CTTN: variants seen among roughly 807,000 people sequenced by gnomAD.
The protein encoded by CTTN is cortactin, also known as src substrate cortactin.
CTTN carries 28 observed loss-of-function variants against 84.0 expected under a neutral mutation model. The observed-to-expected ratio is 0.33, with a 90% CI of 0.25 to 0.46. The LOEUF is 0.46. Ranked by LOEUF, CTTN falls within the 20% of genes least tolerant of loss-of-function variation. CTTN has a pLI of 1.00. For missense variants in CTTN, 641 were observed against 723.8 expected (o/e 0.89, Z 1.31); for synonymous variants, 301 against 288.8 (o/e 1.04, Z -0.43).
chr11:70,429,066 G>C lies in CTTN; in HGVS notation c.1043G>C (p.Ser348Thr). Residue 348 changes from serine (S) to threonine (T), a missense_variant, in exon 14 of 18, where the codon AGT (serine) becomes ACT (threonine). Around this residue, in one of 3 missense-constraint regions of CTTN, gnomAD observed 289 missense variants for 273.1 expected, o/e 1.06. Coordinates refer to ENST00000301843, the MANE Select transcript of CTTN (RefSeq NM_005231.4). Reference protein sequence around the residue: ...VPVEAVTSKTSNIRANFENLA... With the variant: ...VPVEAVTSKTTNIRANFENLA... ...TCCTCTATAGTGACCAGCAAAACAAGTAACATCAGAGCTAACTTTGAAAAC... is the reference window on the plus strand; with the variant it reads ...TCCTCTATAGTGACCAGCAAAACAACTAACATCAGAGCTAACTTTGAAAAC... 1.2e-6 allele frequency: 2 copies of C among 1,614,252 alleles called. No homozygotes were observed. Among genetic ancestry groups the C allele is most frequent in the Non-Finnish European group, 1.7e-6 (2 of 1,180,040 alleles).
rs1239442916 is a variant in CTTN, at chr11:70,435,460, C to T, written c.*298C>T. ...CTTTTTTGCCAAATTGACTGTCACGCGGCAGCTTCAGGGAGCTCGCATTCT... is the reference window on the plus strand; with the variant it reads ...CTTTTTTGCCAAATTGACTGTCACGTGGCAGCTTCAGGGAGCTCGCATTCT... On this transcript the variant is annotated 3_prime_UTR_variant, in exon 18 of 18. Coordinates refer to ENST00000301843, the MANE Select transcript of CTTN (RefSeq NM_005231.4). 1.0e-5 allele frequency: 16 copies of T among 1,527,238 alleles called. No homozygotes were observed. The highest frequency in any genetic ancestry group is 4.4e-5 in the Admixed American group (2 of 45,780). The allele number at this position is 1,527,238 out of a possible 1,614,324, so 94.6% of individuals were successfully genotyped here. A position where few individuals can be genotyped will look rare whatever the true frequency, so the allele number is the denominator to read the frequency against.
At chr11:70,406,549 A>G (rs763490560) in intron 2 of CTTN, among the ~76,000 whole-genome samples, 7 of 150,956 alleles carry the variant, frequency 4.6e-5, no homozygotes, top group Non-Finnish European at 8.9e-5. Flanking sequence ...TTAAAATTTT[A>G]TATTTTACCA....
chr11:70,432,467 A>G (rs12795503), intron 15 of CTTN, among the ~76,000 whole-genome samples: 26,776 of 152,296 alleles, frequency 0.18, 2,737 homozygotes, highest in Middle Eastern at 0.25. Flanking sequence ...TGCCGGTGAC[A>G]TCAGGTGGAC....
chr11:70,431,878 G>A (rs2058357452), intron 15 of CTTN, among the ~76,000 whole-genome samples: 1 of 152,112 alleles, frequency 6.6e-6, no homozygotes, highest in African/African-American at 2.4e-5. Flanking sequence ...TGGGTCTCCT[G>A]CTCCCCGCCA....
At position 70,414,639 on chromosome 11, in the gene CTTN, A is replaced by G; in HGVS notation, c.389A>G (p.Asp130Gly). The stretch of plus-strand genomic sequence containing the variant: ...GGAGGCAAGTTTGGTGTCCAGATGG[A>G]CAGAGTTGATCAGGTGAGTGATGTG... The part of the protein sequence containing the change: ...GFGGKFGVQM[D>G]RVDQSAVGFE... The change falls in exon 6 of 18, where the codon GAC (aspartate) becomes GGC (glycine). Residue 130 changes from aspartate (D) to glycine (G), a missense_variant. Coordinates refer to ENST00000301843, the MANE Select transcript of CTTN (RefSeq NM_005231.4). 1 of 1,613,568 alleles carries G rather than the reference A, an allele frequency of 6.2e-7. No individual in the cohort carries two copies. Among genetic ancestry groups the G allele is most frequent in the Non-Finnish European group, 8.5e-7 (1 of 1,179,488 alleles).
rs943517403 is a variant in CTTN, at chr11:70,414,995, G to A, written c.402+343G>A. ...ACAGAGTGACATCAGAGCCTATACC[G>A]GGGGGGCAGGATGCGCTCGTGTCCA... is the stretch of plus-strand genomic sequence containing the variant. On this transcript the variant is annotated intron_variant, in intron 6 of 17. Transcript: ENST00000301843. Among the ~76,000 whole-genome samples, 10 of 151,766 alleles carry A rather than the reference G, an allele frequency of 6.6e-5. No homozygotes were observed. The East Asian group carries it at 9.7e-4, about 15-fold the overall frequency.
Position 70,435,140 on chromosome 11 carries a change from A to G in CTTN, c.1631A>G (p.Asn544Ser). Residue 544 changes from asparagine to serine, a missense_variant, in exon 18 of 18, where the codon AAC becomes AGC. Physicochemically the swap from Asn to Ser is conservative, Grantham distance 46 (BLOSUM62 1). Coordinates refer to ENST00000301843, the MANE Select transcript of CTTN (RefSeq NM_005231.4). ...GGCCGGTACGGGCTCTTCCCAGCCA[A>G]CTATGTGGAGCTGCGGCAGTAGGGC... is the stretch of plus-strand genomic sequence containing the variant. ...CKGRYGLFPA[N>S]YVELRQ The G allele has an allele frequency of 6.2e-7, 1 of 1,612,582 alleles. No homozygotes were observed. Among genetic ancestry groups the G allele is most frequent in the African/African-American group, 1.3e-5 (1 of 74,976 alleles).
At chr11:70,426,681 G>A (rs1297736827) in intron 13 of CTTN, among the ~76,000 whole-genome samples, 9 of 151,356 alleles carry the variant, frequency 5.9e-5, no homozygotes, top group African/African-American at 1.7e-4. Flanking sequence ...CTCCCATCCC[G>A]GGTTCACGGC....
chr11:70,434,412 C>T (rs1415887318), intron 17 of CTTN, among the ~76,000 whole-genome samples: 1 of 152,286 alleles, frequency 6.6e-6, no homozygotes, highest in Non-Finnish European at 1.5e-5. Context: ...CTCAGAACCC[C>T]CGGCCTCTGC....
In CTTN at chr11:70,436,202, T is replaced by C; in HGVS notation, c.*1040T>C. ...GAAGGCTAGAAGTGTGAAGTGCAGA[T>C]GAGTGTGTGTTCTTCCCCAAGGTCC... is the stretch of plus-strand genomic sequence containing the variant. On this transcript the variant is annotated 3_prime_UTR_variant, in exon 18 of 18. Coordinates refer to ENST00000301843, the MANE Select transcript of CTTN (RefSeq NM_005231.4). 1.3e-6 allele frequency: 2 copies of C among 1,554,872 alleles called. No homozygotes were observed. Among genetic ancestry groups the C allele is most frequent in the South Asian group, 1.2e-5 (1 of 84,402 alleles).
intron 10 of CTTN, among the ~76,000 whole-genome samples, chr11:70,421,156 C>T (rs540662822): frequency 1.1e-4 from 17 of 152,314 alleles, no homozygotes; most frequent in African/African-American, 4.1e-4. Flanking sequence ...TACGCACACT[C>T]GTCTGCAGTG....
chr11:70,432,096 G>A (rs2058359407), intron 15 of CTTN, among the ~76,000 whole-genome samples: 4 of 152,334 alleles, frequency 2.6e-5, no homozygotes, highest in African/African-American at 9.6e-5. Flanking sequence ...TGGGATCTGG[G>A]CCTCGATGGC....
chr11:70,406,379 G>T (rs2135552417), intron 2 of CTTN, among the ~76,000 whole-genome samples: 1 of 152,314 alleles, frequency 6.6e-6, no homozygotes, highest in Non-Finnish European at 1.5e-5. Flanking sequence ...GAGAAAAAGT[G>T]AATTGGGTGT....
chr11:70,421,656 A>G (rs1312600724), intron 11 of CTTN, 76 bp downstream of exon 11: 18 of 955,686 alleles, frequency 1.9e-5, no homozygotes, highest in Admixed American at 1.4e-4. Flanking sequence ...TTCAGGGCTC[A>G]CCGTCAGCAC....
In CTTN at chr11:70,428,474, C is replaced by CTTTT. The variant is rs2058322332; in HGVS notation, c.1028-576_1028-573dup. ...CCACCATGCCCGGCCATATTCCCCA[C>CTTTT]TTTTGACTTAAATTTTTATCATTTT... is the stretch of plus-strand genomic sequence containing the variant. On this transcript the variant is annotated intron_variant, in intron 13 of 17. Coordinates refer to ENST00000301843, the MANE Select transcript of CTTN (RefSeq NM_005231.4). Among the ~76,000 whole-genome samples the CTTTT allele has an allele frequency of 2.0e-5, 3 of 152,198 alleles. No homozygotes were observed. In the South Asian group the frequency reaches 6.2e-4, roughly 32 times the overall value.
chr11:70,426,277 G>A (rs2058299415), intron 13 of CTTN, among the ~76,000 whole-genome samples: 1 of 152,100 alleles, frequency 6.6e-6, no homozygotes, highest in Non-Finnish European at 1.5e-5. Flanking sequence ...CAGGCATGGT[G>A]GCGGGCGCCT....
intron 1 of CTTN, among the ~76,000 whole-genome samples, chr11:70,399,414 T>G: frequency 6.6e-6 from 1 of 150,610 alleles, no homozygotes; most frequent in African/African-American, 2.5e-5. Context: ...TCAAGGCGGT[T>G]GGGGTGCGCG....
At position 70,421,505 on chromosome 11, in the gene CTTN, C is replaced by G. The variant is rs751363886; in HGVS notation, c.826C>G (p.Gln276Glu). 2.5e-6 allele frequency: 4 copies of G among 1,614,062 alleles called. No individual in the cohort carries two copies. In the South Asian group the frequency reaches 4.4e-5, roughly 18 times the overall value. The change falls in exon 11 of 18, where the codon CAG becomes GAG. Residue 276 changes from glutamine to glutamate, a missense_variant. Coordinates refer to ENST00000301843, the MANE Select transcript of CTTN (RefSeq NM_005231.4). ...TGGTTTTGGAGGCAAATTCGGTGTT[C>G]AGTCGGAGAGGCAGGACTCCGCTGC... ...KTGFGGKFGV[Q>E]SERQDSAAVG...
chr11:70,410,620 C>T (rs144030114), intron 5 of CTTN, among the ~76,000 whole-genome samples: 375 of 152,264 alleles, frequency 2.5e-3, no homozygotes, highest in Non-Finnish European at 4.1e-3. Context: ...AGAAAGGGAG[C>T]CACGTTAGCT....
Sources: gnomAD v4.1 joint callset for allele counts (sites outside exome capture counted in the v4.1 genomes callset) on GRCh38, gnomAD v4.1.1 for gene constraint, gnomAD v4.1.1 regional missense constraint, MANE v1.5 for transcripts, NCBI Gene and HGNC (gene_info 2026-07-23, HGNC 2026-07-21) for gene names.